The following RYR3 variants were observed in gnomAD, a reference collection of about 807,000 sequenced individuals.
RYR3 encodes the protein ryanodine receptor 3.
Under a neutral mutation model 584.3 loss-of-function variants are expected in RYR3, and 207 were observed. The observed-to-expected ratio is 0.35, with a 90% CI of 0.32 to 0.40. RYR3 has a LOEUF of 0.40. Ranked by LOEUF, RYR3 falls within the 10% of genes least tolerant of loss-of-function variation. The pLI, the probability that RYR3 is intolerant of heterozygous loss-of-function variation, is 1.00. For missense variants in RYR3, 5,616 were observed against 6,089.2 expected, an observed-to-expected ratio of 0.92 and a Z score of 2.59; for synonymous variants, 2,416 against 2,248.5, an observed-to-expected ratio of 1.07 and a Z score of -2.11.
chr15:33,785,861 C>T lies in RYR3; in HGVS notation c.9468C>T (p.Ser3156=), dbSNP rs769796260. ...WERGPENLPP[S]TGPCCTKVTS... ...GGGGTCCTGAGAACCTGCCCCCCAG[C>T]ACAGGGCCATGCTGCACCAAGGTCA... The change falls in exon 66 of 104, where the codon AGC becomes AGT. Residue 3156 remains serine (S), a synonymous_variant. Coordinates refer to ENST00000634891, the MANE Select transcript of RYR3 (RefSeq NM_001036.6). 73 of 1,613,796 alleles carry T rather than the reference C, an allele frequency of 4.5e-5. No homozygotes were observed. Among genetic ancestry groups the T allele is most frequent in the Non-Finnish European group, 5.9e-5 (70 of 1,179,884 alleles).
intron 1 of RYR3, among the ~76,000 whole-genome samples, chr15:33,391,763 T>C (rs543109898): frequency 6.6e-6 from 1 of 152,298 alleles, no homozygotes; most frequent in South Asian, 2.1e-4. Context: ...TCCATTTCTT[T>C]AGGGTTCTTT....
intron 1 of RYR3, among the ~76,000 whole-genome samples, chr15:33,433,328 C>A (rs977854183): frequency 1.3e-5 from 2 of 152,102 alleles, no homozygotes; most frequent in Admixed American, 1.3e-4. Flanking sequence ...TTAGGCATGT[C>A]CCCCCAAATC....
intron 86 of RYR3, among the ~76,000 whole-genome samples, chr15:33,834,248 C>T (rs1212820559): frequency 2.0e-5 from 3 of 151,646 alleles, no homozygotes; most frequent in Non-Finnish European, 4.4e-5. Context: ...CATGCCACTG[C>T]ACTCCAGCAT....
intron 18 of RYR3, among the ~76,000 whole-genome samples, chr15:33,607,275 A>T (rs1273137331): frequency 1.3e-5 from 2 of 152,164 alleles, no homozygotes; most frequent in African/African-American, 4.8e-5. Context: ...TTCTGTAATA[A>T]TACACCCTGA....
At chr15:33,864,539 G>C (rs1889772934) in intron 103 of RYR3, among the ~76,000 whole-genome samples, 1 of 151,164 alleles carries the variant, frequency 6.6e-6, no homozygotes, top group African/African-American at 2.4e-5. Context: ...GTGAGAGACA[G>C]GCTAAGAAAG....
At chr15:33,336,466 G>A (rs1200943437) in intron 1 of RYR3, among the ~76,000 whole-genome samples, 5 of 37,196 alleles carry the variant, frequency 1.3e-4, no homozygotes, top group African/African-American at 2.6e-4. Flanking sequence ...GAGAGAGAGA[G>A]AGAGAGAGAG....
At chr15:33,588,875 C>T (rs1329809770) in intron 16 of RYR3, among the ~76,000 whole-genome samples, 3 of 151,946 alleles carry the variant, frequency 2.0e-5, no homozygotes, top group East Asian at 1.9e-4. Context: ...TATGTACGTT[C>T]GTTCCATGTC....
At chr15:33,654,684 T>C (rs1480114891) in intron 32 of RYR3, among the ~76,000 whole-genome samples, 1 of 151,964 alleles carries the variant, frequency 6.6e-6, no homozygotes, top group Non-Finnish European at 1.5e-5. Flanking sequence ...GCTAGGGAGA[T>C]ATAGATAGGA....
chr15:33,322,881 T>C (rs908869635), intron 1 of RYR3, among the ~76,000 whole-genome samples: 1 of 151,670 alleles, frequency 6.6e-6, no homozygotes, highest in African/African-American at 2.4e-5. Flanking sequence ...TTGTCTACCT[T>C]ATTGTAAGCT....
At chr15:33,561,673 C>G (rs1308402625) in intron 10 of RYR3, among the ~76,000 whole-genome samples, 1 of 151,834 alleles carries the variant, frequency 6.6e-6, no homozygotes, top group Non-Finnish European at 1.5e-5. Flanking sequence ...CCTGGGAGTT[C>G]AAGATCAGCC....
intron 12 of RYR3, among the ~76,000 whole-genome samples, chr15:33,577,723 T>C (rs144647794): frequency 6.6e-6 from 1 of 152,192 alleles, no homozygotes; most frequent in Non-Finnish European, 1.5e-5. Flanking sequence ...GATATCATTA[T>C]AAAAATGTCA....
chr15:33,375,714 A>G (rs868055077), intron 1 of RYR3, among the ~76,000 whole-genome samples: 57 of 152,214 alleles, frequency 3.7e-4, no homozygotes, highest in African/African-American at 1.3e-3. Context: ...CAAATCTACA[A>G]TTTGCTGAAT....
intron 3 of RYR3, among the ~76,000 whole-genome samples, chr15:33,527,173 A>G (rs140301908): frequency 6.6e-6 from 1 of 152,336 alleles, no homozygotes; most frequent in Non-Finnish European, 1.5e-5. Flanking sequence ...GGCCAAATCC[A>G]GACTATGGCC....
chr15:33,330,291 T>G (rs1370708051), intron 1 of RYR3, among the ~76,000 whole-genome samples: 1 of 152,202 alleles, frequency 6.6e-6, no homozygotes, highest in African/African-American at 2.4e-5. Context: ...TTCTGTTTAT[T>G]CCCAGAACTT....
chr15:33,366,801 C>T lies in RYR3; in HGVS notation c.51+55705C>T, dbSNP rs566927478. Among the ~76,000 whole-genome samples the T allele has an allele frequency of 2.0e-5, 3 of 152,210 alleles. No homozygotes were observed. In the East Asian group the frequency reaches 5.8e-4, roughly 29 times the overall value. On this transcript the variant is annotated intron_variant, in intron 1 of 103. Coordinates refer to ENST00000634891, the MANE Select transcript of RYR3 (RefSeq NM_001036.6). ...GGAGAATTCTACTACTTACAAGACA[C>T]TTGTTATACATAGTCCAAATGGAGA...
chr15:33,615,207 A>G (rs2060390482), intron 19 of RYR3, among the ~76,000 whole-genome samples: 1 of 152,168 alleles, frequency 6.6e-6, no homozygotes, highest in African/African-American at 2.4e-5. Flanking sequence ...GGGTCATGGC[A>G]GGAGGAGAGT....
At chr15:33,691,161 A>G (rs1346315978) in intron 38 of RYR3, among the ~76,000 whole-genome samples, 1 of 75,620 alleles carries the variant, frequency 1.3e-5, no homozygotes, top group African/African-American at 3.2e-5. Flanking sequence ...CTGAAACCAT[A>G]TTAACTAGAT....
chr15:33,320,422 C>T (rs7168254), intron 1 of RYR3, among the ~76,000 whole-genome samples: 9,465 of 152,176 alleles, frequency 0.062, 903 homozygotes, highest in African/African-American at 0.21. Context: ...CATGTATTGA[C>T]CAATTACTCT....
At position 33,804,041 on chromosome 15, in the gene RYR3, C is replaced by CA. The variant is rs140253762; in HGVS notation, c.10011+2084dup. ...GATGAGGTAGCAGAAAATGGCATTT[C>CA]AAAACCCACCTACTAACAAACTAAC... On this transcript the variant is annotated intron_variant, in intron 69 of 103. Coordinates refer to ENST00000634891, the MANE Select transcript of RYR3 (RefSeq NM_001036.6). Among the ~76,000 whole-genome samples, 1,323 of 152,316 alleles carry CA rather than the reference C, an allele frequency of 8.7e-3. 26 individuals are homozygous for CA. Among genetic ancestry groups the CA allele is most frequent in the African/African-American group, 0.03 (1,251 of 41,570 alleles).
Sources: gnomAD v4.1 joint callset for allele counts (sites outside exome capture counted in the v4.1 genomes callset) on GRCh38, gnomAD v4.1.1 for gene constraint, MANE v1.5 for transcripts, NCBI Gene and HGNC (gene_info 2026-07-23, HGNC 2026-07-21) for gene names.